The following KIF26B variants were observed in gnomAD, a reference collection of about 807,000 sequenced individuals.
The protein encoded by KIF26B is kinesin family member 26B, also known as kinesin-like protein KIF26B.
A neutral mutation model predicts 151.2 loss-of-function variants in KIF26B; 63 were observed. That is an observed-to-expected ratio of 0.42 (90% CI 0.34 to 0.51). The LOEUF is 0.51. Among genes scored for constraint, KIF26B ranks in the 20% least tolerant of loss-of-function variants. KIF26B has a pLI of 0.07. For missense variants in KIF26B, 2,813 were observed against 2,913.6 expected, an observed-to-expected ratio of 0.97 and a Z score of 0.79; for synonymous variants, 1,357 against 1,262.1, an observed-to-expected ratio of 1.08 and a Z score of -1.59.
Position 245,652,107 on chromosome 1 carries a change from T to TGG in KIF26B, c.2258+5828_2258+5829insGG, listed in dbSNP as rs1285081210. On this transcript the variant is annotated intron_variant, in intron 10 of 14. Coordinates refer to ENST00000407071, the MANE Select transcript of KIF26B (RefSeq NM_018012.4). Reference sequence around the variant, plus strand: ...GGAGAGGTTCATGTAAGAATCTGTGTGTGTGTGTGTGTGTGTGTGTGTGTG... The same window carrying TGG: ...GGAGAGGTTCATGTAAGAATCTGTGTGGGTGTGTGTGTGTGTGTGTGTGTGTG... Among the ~76,000 whole-genome samples, 20 of 48,234 alleles carry TGG rather than the reference T, an allele frequency of 4.1e-4. No individual in the cohort carries two copies. The South Asian group carries it at 9.3e-3, about 22-fold the overall frequency. 31.6% of individuals were successfully genotyped at this position (48,234 alleles called of 152,430 possible). A position where few individuals can be genotyped will look rare whatever the true frequency, so the allele number is the denominator to read the frequency against.
chr1:245,168,128 GTC>G, intron 2 of KIF26B, among the ~76,000 whole-genome samples: 1 of 152,230 alleles, frequency 6.6e-6, no homozygotes, highest in Non-Finnish European at 1.5e-5. Context: ...AAGCCTGTGA[GTC>G]TCTGTGAAGC....
intron 2 of KIF26B, among the ~76,000 whole-genome samples, chr1:245,301,821 G>C (rs566617640): frequency 1.3e-5 from 2 of 152,302 alleles, no homozygotes; most frequent in Admixed American, 1.3e-4. Context: ...GTGCCTTCTA[G>C]TACCCAATTA....
Position 245,564,910 on chromosome 1 carries a change from G to A in KIF26B, c.1350+23960G>A, listed in dbSNP as rs532495982. Among the ~76,000 whole-genome samples the A allele has an allele frequency of 5.3e-5, 8 of 152,304 alleles. No individual in the cohort carries two copies. The South Asian group carries it at 1.7e-3, about 32-fold the overall frequency. On this transcript the variant is annotated intron_variant, in intron 5 of 14. Transcript: ENST00000407071. This position sits in a 1 kb window ranked among gnomAD's most constrained non-coding sequence, Gnocchi z 4.6. Reference sequence around the variant, plus strand: ...AATCTAATGCTGCTGCTGATCTGACGGGAGGCAGAGTTCAAGTGGTAACGC... The same window carrying A: ...AATCTAATGCTGCTGCTGATCTGACAGGAGGCAGAGTTCAAGTGGTAACGC...
At chr1:245,383,184 A>T (rs1483130011) in intron 3 of KIF26B, among the ~76,000 whole-genome samples, 3 of 152,132 alleles carry the variant, frequency 2.0e-5, no homozygotes, top group Non-Finnish European at 4.4e-5. Flanking sequence ...TGAGGCAGAC[A>T]TACCTAAAAT....
chr1:245,194,880 G>T (rs1456416352), intron 2 of KIF26B, among the ~76,000 whole-genome samples: 2 of 152,182 alleles, frequency 1.3e-5, no homozygotes, highest in Non-Finnish European at 2.9e-5. Context: ...ACATGTGTAT[G>T]GGGGTGTGTG....
chr1:245,539,932 T>C (rs183721224), intron 4 of KIF26B, among the ~76,000 whole-genome samples: 199 of 152,202 alleles, frequency 1.3e-3, no homozygotes, highest in African/African-American at 2.9e-3. Context: ...GGATTACAGG[T>C]GTGAGCCACC....
At chr1:245,484,423 C>T (rs1439775505) in intron 4 of KIF26B, among the ~76,000 whole-genome samples, 2 of 151,772 alleles carry the variant, frequency 1.3e-5, no homozygotes, top group African/African-American at 2.4e-5. Context: ...CCATCTAGGT[C>T]GCCTGACAGA....
intron 10 of KIF26B, among the ~76,000 whole-genome samples, chr1:245,661,932 C>T (rs1019618879): frequency 6.0e-5 from 8 of 132,628 alleles, no homozygotes; most frequent in Admixed American, 8.0e-5. Flanking sequence ...TATATATATA[C>T]ACCCAATGAT....
At chr1:245,222,391 C>A (rs541339295) in intron 2 of KIF26B, among the ~76,000 whole-genome samples, 5 of 152,214 alleles carry the variant, frequency 3.3e-5, no homozygotes, top group African/African-American at 4.8e-5. Context: ...GTGTCGAGAT[C>A]GTACCATTGC....
chr1:245,506,841 G>C (rs1660736312), intron 4 of KIF26B, among the ~76,000 whole-genome samples: 1 of 152,130 alleles, frequency 6.6e-6, no homozygotes, highest in Non-Finnish European at 1.5e-5. Context: ...ATTACACTCG[G>C]CTAAATTTTT....
intron 4 of KIF26B, among the ~76,000 whole-genome samples, chr1:245,475,813 A>T (rs1245179118): frequency 1.3e-5 from 2 of 151,852 alleles, no homozygotes; most frequent in African/African-American, 4.8e-5. Context: ...GTTTGTGGGA[A>T]TGTAAAACAG....
At chr1:245,659,737 G>A (rs1174103606) in intron 10 of KIF26B, among the ~76,000 whole-genome samples, 2 of 152,050 alleles carry the variant, frequency 1.3e-5, no homozygotes, top group African/African-American at 2.4e-5. Flanking sequence ...AAGGAAAGAG[G>A]TAAGCAGTTC....
chr1:245,520,398 A>G (rs902132085), intron 4 of KIF26B, among the ~76,000 whole-genome samples: 1 of 152,346 alleles, frequency 6.6e-6, no homozygotes, highest in South Asian at 2.1e-4. Context: ...CAATGAACAC[A>G]ATAATTGTAT....
chr1:245,650,027 A>G (rs1039287657), intron 10 of KIF26B, among the ~76,000 whole-genome samples: 5 of 152,200 alleles, frequency 3.3e-5, no homozygotes, highest in African/African-American at 9.6e-5. Context: ...GGCACATTAC[A>G]TGGCACAGGC....
At chr1:245,290,601 C>T (rs138010986) in intron 2 of KIF26B, among the ~76,000 whole-genome samples, 463 of 152,290 alleles carry the variant, frequency 3.0e-3, no homozygotes, top group Middle Eastern at 6.8e-3. Flanking sequence ...AGGTCACTCT[C>T]GTGGCCATCT....
chr1:245,386,385 C>A (rs1441888544), intron 3 of KIF26B, among the ~76,000 whole-genome samples: 2 of 150,462 alleles, frequency 1.3e-5, no homozygotes, highest in African/African-American at 4.9e-5. Context: ...AGGCTTTGTA[C>A]CTTTTGAGCC....
chr1:245,685,344 C>A lies in KIF26B; in HGVS notation c.2422-61C>A, dbSNP rs2044495779. 5.7e-6 allele frequency: 8 copies of A among 1,396,502 alleles called. No individual in the cohort carries two copies. In the Admixed American group the frequency reaches 1.2e-4, roughly 21 times the overall value. The allele number at this position is 1,396,502 out of a possible 1,614,324, so 86.5% of individuals were successfully genotyped here. On this transcript the variant is annotated intron_variant, in intron 11 of 14. Coordinates refer to ENST00000407071, the MANE Select transcript of KIF26B (RefSeq NM_018012.4). Reference sequence around the variant, plus strand: ...GGCCTTCACCACTTGCCGCGCACAGCTGGGCTCCCGGGGAAACTGCCACGG... The same window carrying A: ...GGCCTTCACCACTTGCCGCGCACAGATGGGCTCCCGGGGAAACTGCCACGG...
intron 2 of KIF26B, among the ~76,000 whole-genome samples, chr1:245,233,819 G>T (rs900602490): frequency 2.6e-5 from 4 of 152,000 alleles, no homozygotes; most frequent in Admixed American, 6.5e-5. Flanking sequence ...AGAGTGCCCA[G>T]CTTCATAAAT....
chr1:245,238,069 A>G (rs964064293), intron 2 of KIF26B, among the ~76,000 whole-genome samples: 1 of 151,816 alleles, frequency 6.6e-6, no homozygotes, highest in Non-Finnish European at 1.5e-5. Context: ...ATGCTGGCTC[A>G]TGCCCGTAAT....
Sources: gnomAD v4.1 joint callset for allele counts (sites outside exome capture counted in the v4.1 genomes callset) on GRCh38, gnomAD v4.1.1 for gene constraint, Gnocchi (gnomAD v3.1) non-coding constraint, MANE v1.5 for transcripts, NCBI Gene and HGNC (gene_info 2026-07-23, HGNC 2026-07-21) for gene names.